The following FNIP1 variants were observed in gnomAD, a reference collection of about 807,000 sequenced individuals.
The protein encoded by FNIP1 is folliculin-interacting protein 1.
FNIP1 carries 40 observed loss-of-function variants against 124.5 expected under a neutral mutation model. The observed-to-expected ratio is 0.32, with a 90% CI of 0.25 to 0.42. FNIP1 has a LOEUF of 0.42. Ranked by LOEUF, FNIP1 falls within the 10% of genes least tolerant of loss-of-function variation. The pLI is 1.00. For missense variants in FNIP1, 1,176 were observed against 1,403.7 expected (o/e 0.84, Z 2.59); for synonymous variants, 472 against 470.6 (o/e 1.00, Z -0.04).
intron 1 of FNIP1, among the ~76,000 whole-genome samples, chr5:131,770,204 G>A (rs1243715586): frequency 6.6e-6 from 1 of 152,204 alleles, no homozygotes; most frequent in East Asian, 1.9e-4. Context: ...AGGCCCTAAT[G>A]ATCACAGGGC....
intron 1 of FNIP1, among the ~76,000 whole-genome samples, chr5:131,765,031 T>C (rs1580820541): frequency 6.6e-6 from 1 of 152,082 alleles, no homozygotes; most frequent in African/African-American, 2.4e-5. Flanking sequence ...AAGACCAGCC[T>C]GGGCAACATA....
At chr5:131,754,612 T>C (rs1303873180) in intron 1 of FNIP1, among the ~76,000 whole-genome samples, 1 of 152,200 alleles carries the variant, frequency 6.6e-6, no homozygotes, top group Non-Finnish European at 1.5e-5. Flanking sequence ...AAACAGCATC[T>C]GCTGTAATTC....
At chr5:131,791,848 T>C (rs1392860374) in intron 1 of FNIP1, among the ~76,000 whole-genome samples, 4 of 149,468 alleles carry the variant, frequency 2.7e-5, no homozygotes, top group South Asian at 2.2e-4. Flanking sequence ...AATACTATAG[T>C]GGCTTTTTTA....
chr5:131,657,745 A>C (rs909221481), intron 15 of FNIP1, among the ~76,000 whole-genome samples: 1 of 150,630 alleles, frequency 6.6e-6, no homozygotes, highest in Admixed American at 6.6e-5. Flanking sequence ...GCAAAAAAAA[A>C]AAAAAAAAAA....
chr5:131,782,657 GA>G (rs1394939040), intron 1 of FNIP1, among the ~76,000 whole-genome samples: 3 of 152,178 alleles, frequency 2.0e-5, no homozygotes, highest in Non-Finnish European at 4.4e-5. Context: ...TTATGGAAAG[GA>G]TTCATCATTC....
chr5:131,726,963 T>C (rs752506654), intron 3 of FNIP1, among the ~76,000 whole-genome samples: 14 of 152,200 alleles, frequency 9.2e-5, no homozygotes, highest in Non-Finnish European at 1.3e-4. Context: ...GTAGTTTGAG[T>C]GAGTTTCTTA....
chr5:131,689,546 T>C (rs1159770728), intron 11 of FNIP1, among the ~76,000 whole-genome samples: 3 of 152,044 alleles, frequency 2.0e-5, no homozygotes, highest in Admixed American at 1.3e-4. Flanking sequence ...GAGGGAGAAA[T>C]TGGAATATTT....
rs1260336514 is a variant in FNIP1, at chr5:131,671,701, G to A, written c.2743C>T (p.His915Tyr). 1 of 1,614,104 alleles carries A rather than the reference G, an allele frequency of 6.2e-7. No homozygotes were observed. Among genetic ancestry groups the A allele is most frequent in the Non-Finnish European group, 8.5e-7 (1 of 1,180,018 alleles). Residue 915 changes from histidine (H) to tyrosine (Y), a missense_variant, in exon 14 of 18, where the codon CAT becomes TAT. Physicochemically the swap from His to Tyr is moderately conservative, Grantham distance 83. Around this residue, in one of 2 missense-constraint regions of FNIP1, gnomAD observed 1,109 missense variants for 1,288.5 expected, o/e 0.86. Coordinates refer to ENST00000510461, the MANE Select transcript of FNIP1 (RefSeq NM_133372.3). ...TTATCTGAACTCTCTTTATCCCCAT[G>A]GGGGACAAGAATGGAGAGTGTATCT... ...QRDTLSILVP[H>Y]GDKESSDKKI...
chr5:131,722,352 G>C (rs187746692), intron 3 of FNIP1, among the ~76,000 whole-genome samples: 1 of 152,234 alleles, frequency 6.6e-6, no homozygotes, highest in Non-Finnish European at 1.5e-5. Flanking sequence ...CCCCTAATTT[G>C]TTTAAGCCAC....
chr5:131,664,335 G>T (rs1476625858), intron 15 of FNIP1, among the ~76,000 whole-genome samples: 1 of 152,128 alleles, frequency 6.6e-6, no homozygotes, highest in Admixed American at 6.5e-5. Context: ...TGGGTTTAAT[G>T]TTACTAATAC....
At chr5:131,685,198 G>C (rs569451433) in intron 11 of FNIP1, among the ~76,000 whole-genome samples, 2 of 152,150 alleles carry the variant, frequency 1.3e-5, no homozygotes, top group African/African-American at 4.8e-5. Flanking sequence ...TTCAAGATTA[G>C]CCTGGACAAC....
chr5:131,772,631 T>C (rs1771677930), intron 1 of FNIP1, among the ~76,000 whole-genome samples: 1 of 152,164 alleles, frequency 6.6e-6, no homozygotes, highest in Admixed American at 6.6e-5. Context: ...CTCTATGTTT[T>C]GGCACTACCA....
intron 11 of FNIP1, among the ~76,000 whole-genome samples, chr5:131,684,719 T>C (rs1203890871): frequency 6.6e-6 from 1 of 152,184 alleles, no homozygotes; most frequent in Non-Finnish European, 1.5e-5. Flanking sequence ...AGTATCCTGT[T>C]TGGAGGGAGT....
chr5:131,742,883 G>A (rs1023668012), intron 2 of FNIP1, among the ~76,000 whole-genome samples: 5 of 152,144 alleles, frequency 3.3e-5, no homozygotes, highest in African/African-American at 1.2e-4. Flanking sequence ...AGTATTTACA[G>A]GATTTTGAAA....
chr5:131,776,709 G>A (rs1241214960), intron 1 of FNIP1, among the ~76,000 whole-genome samples: 1 of 152,118 alleles, frequency 6.6e-6, no homozygotes, highest in Non-Finnish European at 1.5e-5. Context: ...GAGTTAAACA[G>A]ACAAAACTAA....
chr5:131,773,227 ATAAC>A (rs935431673), intron 1 of FNIP1, among the ~76,000 whole-genome samples: 9 of 152,332 alleles, frequency 5.9e-5, no homozygotes, highest in South Asian at 2.1e-4. Flanking sequence ...AGCTCTATTA[ATAAC>A]TAACTGTTTA....
intron 1 of FNIP1, among the ~76,000 whole-genome samples, chr5:131,780,728 G>GTTGT (rs1280409790): frequency 6.6e-6 from 1 of 152,172 alleles, no homozygotes; most frequent in Non-Finnish European, 1.5e-5. Flanking sequence ...ATTGGTAAGT[G>GTTGT]TTGTGTGTGT....
At chr5:131,677,964 T>C (rs1486478031) in intron 12 of FNIP1, 92 bp from the exon 13 acceptor site, 8 of 1,319,826 alleles carry the variant, frequency 6.1e-6, no homozygotes, top group Middle Eastern at 3.8e-4. Flanking sequence ...GGAGTATATA[T>C]GTTCATGTGG....
chr5:131,796,946 G>A lies in FNIP1; in HGVS notation c.-25C>T. On this transcript the variant is annotated 5_prime_UTR_variant, in exon 1 of 18. Coordinates refer to ENST00000510461, the MANE Select transcript of FNIP1 (RefSeq NM_133372.3). Reference sequence around the variant, plus strand: ...TGCTAGCCACGGCCAGGCAGGGGTCGCTCCGCTGGGCGCTTGCTAGGCCCC... The same window carrying A: ...TGCTAGCCACGGCCAGGCAGGGGTCACTCCGCTGGGCGCTTGCTAGGCCCC... 6 of 1,573,458 alleles carry A rather than the reference G, an allele frequency of 3.8e-6. No homozygotes were observed. Among genetic ancestry groups the A allele is most frequent in the Non-Finnish European group, 5.2e-6 (6 of 1,158,862 alleles).
Sources: gnomAD v4.1 joint callset for allele counts (sites outside exome capture counted in the v4.1 genomes callset) on GRCh38, gnomAD v4.1.1 for gene constraint, gnomAD v4.1.1 regional missense constraint, MANE v1.5 for transcripts, NCBI Gene and HGNC (gene_info 2026-07-23, HGNC 2026-07-21) for gene names.